The following GRM3 variants were observed in gnomAD, a reference collection of about 807,000 sequenced individuals.
GRM3 encodes the protein glutamate metabotropic receptor 3.
In GRM3, 26 loss-of-function variants were observed where a neutral mutation model predicts 70.5. That is an observed-to-expected ratio of 0.37 (90% CI 0.27 to 0.51). GRM3 has a LOEUF of 0.51. GRM3 is among the 20% of genes least tolerant of loss of function. The pLI is 0.93. For synonymous variants in GRM3, 443 were observed against 434.9 expected (o/e 1.02, Z -0.23); for missense variants, 859 against 1,123.8 (o/e 0.76, Z 3.37).
At chr7:86,797,404 A>G (rs1008753843) in intron 3 of GRM3, among the ~76,000 whole-genome samples, 2 of 152,226 alleles carry the variant, frequency 1.3e-5, no homozygotes, top group Non-Finnish European at 2.9e-5. Flanking sequence ...TGTTTTAGCA[A>G]AGAGACTGGC....
intron 1 of GRM3, among the ~76,000 whole-genome samples, chr7:86,721,228 A>G (rs1248831199): frequency 6.6e-6 from 1 of 152,122 alleles, no homozygotes; most frequent in Admixed American, 6.6e-5. Context: ...GGGGTTGTAC[A>G]GGAGCATAGT....
intron 1 of GRM3, among the ~76,000 whole-genome samples, chr7:86,715,205 G>C (rs915661606): frequency 6.6e-6 from 1 of 151,938 alleles, no homozygotes; most frequent in Non-Finnish European, 1.5e-5. Context: ...AATGCAAAAT[G>C]ACTGTTGTTA....
chr7:86,802,337 C>T (rs73194565), intron 3 of GRM3, among the ~76,000 whole-genome samples: 32 of 152,202 alleles, frequency 2.1e-4, no homozygotes, highest in Middle Eastern at 6.8e-3. Flanking sequence ...AGGATGCAGT[C>T]TCATTGTCAT....
chr7:86,672,107 A>G (rs1403028510), intron 1 of GRM3, among the ~76,000 whole-genome samples: 1 of 152,182 alleles, frequency 6.6e-6, no homozygotes, highest in African/African-American at 2.4e-5. Flanking sequence ...AATTAAATCA[A>G]TCTTAGGTGA....
chr7:86,666,884 A>T (rs1794041045), intron 1 of GRM3, among the ~76,000 whole-genome samples: 1 of 152,080 alleles, frequency 6.6e-6, no homozygotes, highest in Non-Finnish European at 1.5e-5. Context: ...CAGTTAGTGA[A>T]TTTCTTGCCA....
chr7:86,784,430 C>T (rs899630466), intron 2 of GRM3: 1 of 152,132 alleles, frequency 6.6e-6, no homozygotes, highest in Non-Finnish European at 1.5e-5. Context: ...GATGGCCTCT[C>T]CAGTGCTAGC....
At chr7:86,715,107 A>G (rs780015710) in intron 1 of GRM3, among the ~76,000 whole-genome samples, 2 of 152,046 alleles carry the variant, frequency 1.3e-5, no homozygotes, top group Non-Finnish European at 2.9e-5. Context: ...GGTCTCAAGC[A>G]TATCTCCACC....
At chr7:86,818,581 A>T (rs1353740900) in intron 3 of GRM3, among the ~76,000 whole-genome samples, 1 of 152,128 alleles carries the variant, frequency 6.6e-6, no homozygotes, top group African/African-American at 2.4e-5. Flanking sequence ...GCACTGATAC[A>T]TAGTAGGTAC....
chr7:86,825,015 C>G (rs1367749384), intron 3 of GRM3, among the ~76,000 whole-genome samples: 1 of 152,172 alleles, frequency 6.6e-6, no homozygotes, highest in Non-Finnish European at 1.5e-5. Flanking sequence ...ACCTTAACAA[C>G]ATTATTTTCA....
chr7:86,708,643 C>T (rs1795113825), intron 1 of GRM3, among the ~76,000 whole-genome samples: 1 of 152,066 alleles, frequency 6.6e-6, no homozygotes. Context: ...AACACATTTC[C>T]TCTTGGTGCT....
chr7:86,760,651 A>AC (rs1796456514), intron 1 of GRM3, among the ~76,000 whole-genome samples: 1 of 151,638 alleles, frequency 6.6e-6, no homozygotes, highest in Non-Finnish European at 1.5e-5. Flanking sequence ...TTTCAATGTT[A>AC]CTTTTTTTTT....
chr7:86,714,435 AAT>A (rs1429750117), intron 1 of GRM3, among the ~76,000 whole-genome samples: 2 of 151,970 alleles, frequency 1.3e-5, no homozygotes, highest in African/African-American at 4.8e-5. Flanking sequence ...CAATGAGAAA[AAT>A]GTGACTATTA....
intron 3 of GRM3, among the ~76,000 whole-genome samples, chr7:86,792,004 T>C (rs1343537547): frequency 6.6e-6 from 1 of 152,252 alleles, no homozygotes; most frequent in South Asian, 2.1e-4. Context: ...ATGTGAATTT[T>C]CAAACTTACT....
At chr7:86,658,893 A>G (rs574703185) in intron 1 of GRM3, among the ~76,000 whole-genome samples, 3 of 138,028 alleles carry the variant, frequency 2.2e-5, no homozygotes, top group African/African-American at 8.2e-5. Flanking sequence ...ATACATTTAA[A>G]TTGCTGTTTA....
rs796541263 is a variant in GRM3, at chr7:86,864,638, CA to C, written c.*295del. On this transcript the variant is annotated 3_prime_UTR_variant, in exon 6 of 6. Transcript: ENST00000361669. The stretch of plus-strand genomic sequence containing the variant: ...CTGACATGGTCAGTCTACTAAAAAA[CA>C]AAAAAAAAAAACAAAAAAAAAAAAA... 142 of 45,642 alleles carry C rather than the reference CA, an allele frequency of 3.1e-3. No individual in the cohort carries two copies. The highest frequency in any genetic ancestry group is 8.3e-3 in the East Asian group (18 of 2,172). The allele number at this position is 45,642 out of a possible 1,614,324, so 2.8% of individuals were successfully genotyped here.
chr7:86,727,346 A>T (rs1328094014), intron 1 of GRM3, among the ~76,000 whole-genome samples: 1 of 152,124 alleles, frequency 6.6e-6, no homozygotes, highest in Non-Finnish European at 1.5e-5. Context: ...TATATATTCC[A>T]TCTACTTTTC....
chr7:86,835,511 T>C (rs1798439786), intron 3 of GRM3, among the ~76,000 whole-genome samples: 1 of 152,200 alleles, frequency 6.6e-6, no homozygotes, highest in Admixed American at 6.5e-5. Flanking sequence ...CCTAAGGTTT[T>C]AGCAATCTGT....
intron 5 of GRM3, among the ~76,000 whole-genome samples, chr7:86,860,867 GCATTA>G (rs891447446): frequency 1.3e-5 from 2 of 152,132 alleles, no homozygotes; most frequent in African/African-American, 4.8e-5. Flanking sequence ...CCAAAGCATA[GCATTA>G]CATCAAGTTC....
chr7:86,757,265 TAGGC>T (rs1294076327), intron 1 of GRM3, among the ~76,000 whole-genome samples: 1 of 152,208 alleles, frequency 6.6e-6, no homozygotes, highest in Non-Finnish European at 1.5e-5. Context: ...CATATATTTG[TAGGC>T]AGTCTGAATT....
Sources: gnomAD v4.1 joint callset for allele counts (sites outside exome capture counted in the v4.1 genomes callset) on GRCh38, gnomAD v4.1.1 for gene constraint, MANE v1.5 for transcripts, NCBI Gene and HGNC (gene_info 2026-07-23, HGNC 2026-07-21) for gene names.